Variants in RAD21 observed in about 807,000 individuals in gnomAD.
RAD21 encodes RAD21 cohesin complex component, also known as double-strand-break repair protein rad21 homolog.
RAD21 carries 18 observed loss-of-function variants against 71.5 expected under a neutral mutation model. That is an observed-to-expected ratio of 0.25 (90% CI 0.17 to 0.37). The LOEUF is 0.37. Ranked by LOEUF, RAD21 falls within the 10% of genes least tolerant of loss-of-function variation. The pLI is 1.00. For missense variants in RAD21, 493 were observed against 769.1 expected (o/e 0.64, Z 4.25); for synonymous variants, 248 against 254.0 (o/e 0.98, Z 0.22).
intron 9 of RAD21, among the ~76,000 whole-genome samples, chr8:116,853,989 G>A (rs116736936): frequency 2.0e-5 from 3 of 152,102 alleles, no homozygotes; most frequent in East Asian, 1.9e-4. Flanking sequence ...TTATTACAGA[G>A]AGAAGTATTA....
chr8:116,852,456 T>C, intron 10 of RAD21, 93 bp downstream of exon 10: 1 of 1,303,362 alleles, frequency 7.7e-7, no homozygotes, highest in Non-Finnish European at 1.0e-6. Flanking sequence ...ATATCTTTGA[T>C]TCCTCATTTC....
chr8:116,856,749 A>G lies in RAD21; in HGVS notation c.711T>C (p.Asn237=). Residue 237 remains asparagine (N), a synonymous_variant, in exon 7 of 14, where the codon AAT becomes AAC. Transcript: ENST00000297338. ...GGGGATCATCAAAGATACCGCCATC[A>G]TTATTACTAATAAGTTTGTCATCTG... is the stretch of plus-strand genomic sequence containing the variant. The part of the protein sequence containing the change: ...GILDDKLISN[N]DGGIFDDPPA... 1.3e-6 allele frequency: 2 copies of G among 1,540,970 alleles called. No homozygotes were observed. The highest frequency in any genetic ancestry group is 1.8e-6 in the Non-Finnish European group (2 of 1,142,792).
intron 1 of RAD21, among the ~76,000 whole-genome samples, chr8:116,870,243 T>C (rs1812785409): frequency 6.6e-6 from 1 of 152,278 alleles, no homozygotes. Context: ...AAGGAAGAAA[T>C]TGGCTAGCGG....
chr8:116,853,633 T>C (rs1267964212), intron 9 of RAD21, among the ~76,000 whole-genome samples: 5 of 152,210 alleles, frequency 3.3e-5, no homozygotes, highest in Non-Finnish European at 7.4e-5. Flanking sequence ...AAGAGCACAA[T>C]GTTGTTGCTC....
Position 116,856,224 on chromosome 8 carries a change from T to C in RAD21, c.879A>G (p.Gln293=), listed in dbSNP as rs776042690. ...PVEPMPTMTD[Q]TTLVPNEEEA... ...CTTCCTCATTTGGAACAAGTGTTGT[T>C]TGATCAGTCATGGTTGGCATTGGTT... The change falls in exon 8 of 14, where the codon CAA becomes CAG. Residue 293 remains glutamine, a synonymous_variant. Transcript: ENST00000297338. 5.0e-6 allele frequency: 8 copies of C among 1,608,506 alleles called. No homozygotes were observed. The South Asian group carries it at 6.6e-5, about 13-fold the overall frequency.
At chr8:116,855,288 T>C (rs1812438917) in intron 8 of RAD21, among the ~76,000 whole-genome samples, 1 of 152,216 alleles carries the variant, frequency 6.6e-6, no homozygotes, top group South Asian at 2.1e-4. Context: ...AAACTATGTC[T>C]AAATTACACT....
chr8:116,853,416 T>A (rs77542903), intron 9 of RAD21, among the ~76,000 whole-genome samples: 214 of 152,336 alleles, frequency 1.4e-3, no homozygotes, highest in Admixed American at 4.6e-3. Flanking sequence ...TAATATTTCA[T>A]TTTGAACCAT....
At chr8:116,865,120 T>C (rs1812664369) in intron 2 of RAD21, among the ~76,000 whole-genome samples, 1 of 152,154 alleles carries the variant, frequency 6.6e-6, no homozygotes, top group African/African-American at 2.4e-5. Flanking sequence ...AAAGCTCAGT[T>C]AGAAATGGTT....
chr8:116,872,565 C>CACACACAT (rs373042389), intron 1 of RAD21, among the ~76,000 whole-genome samples: 1 of 148,678 alleles, frequency 6.7e-6, no homozygotes, highest in African/African-American at 2.5e-5. Flanking sequence ...CACACACACA[C>CACACACAT]ATATTTTAAC....
intron 4 of RAD21, among the ~76,000 whole-genome samples, chr8:116,860,657 G>GACTACAGTAC (rs1327245734): frequency 1.3e-5 from 2 of 151,016 alleles, no homozygotes; most frequent in Non-Finnish European, 2.9e-5. Flanking sequence ...ACACTTAATA[G>GACTACAGTAC]ACTACAGTAC....
At chr8:116,851,062 T>TATTA (rs1812338850) in intron 11 of RAD21, 1 of 199,706 alleles carries the variant, frequency 5.0e-6, no homozygotes, top group Non-Finnish European at 1.0e-5. Context: ...TCTGTAAGGT[T>TATTA]ATTATATTGT....
At chr8:116,849,164 G>A in intron 12 of RAD21, 135 bp from the exon 13 acceptor site, 2 of 567,300 alleles carry the variant, frequency 3.5e-6, no homozygotes, top group East Asian at 3.0e-5. Context: ...ACTTAATGCT[G>A]CTGAGCAATC....
chr8:116,850,986 T>TC, intron 11 of RAD21: 1 of 342,604 alleles, frequency 2.9e-6, no homozygotes, highest in Non-Finnish European at 5.3e-6. Flanking sequence ...TGACTGCTTA[T>TC]CCTAAACCAT....
At position 116,850,657 on chromosome 8, in the gene RAD21, C is replaced by G; in HGVS notation, c.1581G>C (p.Lys527Asn). 1 of 1,610,598 alleles carries G rather than the reference C, an allele frequency of 6.2e-7. No individual in the cohort carries two copies. Among genetic ancestry groups the G allele is most frequent in the Admixed American group, 1.7e-5 (1 of 59,940 alleles). The change falls in exon 12 of 14, where the codon AAG becomes AAC. Residue 527 changes from lysine (K) to asparagine (N), a missense_variant. Lys to Asn is a moderately conservative substitution (Grantham distance 94). This residue lies in a region of RAD21 where 225 missense variants were observed against 218.3 expected (regional missense o/e 1.03). Transcript: ENST00000297338. ...CATCTTCTTTTTCCTTCTCTTTCTC[C>G]TTCTCTTTTTCTGGCAGAAGTTCTA... ...PELELLPEKEKEKEKEKEDDE... is the reference protein window; with the variant it reads ...PELELLPEKENEKEKEKEDDE...
intron 1 of RAD21, among the ~76,000 whole-genome samples, chr8:116,869,147 C>T (rs1045640497): frequency 2.0e-5 from 3 of 152,098 alleles, no homozygotes; most frequent in African/African-American, 7.2e-5. Flanking sequence ...TAAACTTTTG[C>T]TCTACGAAAG....
intron 2 of RAD21, 89 bp downstream of exon 2, chr8:116,866,497 C>A: frequency 7.9e-7 from 1 of 1,262,794 alleles, no homozygotes; most frequent in South Asian, 1.7e-5. Flanking sequence ...ACTCCAATGC[C>A]CCTACCTAAA....
intron 1 of RAD21, 96 bp downstream of exon 1, chr8:116,874,515 C>A: frequency 4.0e-6 from 1 of 252,876 alleles, no homozygotes; most frequent in East Asian, 1.6e-4. Flanking sequence ...CCTCGCCCTC[C>A]CGCCCCCAGG....
At chr8:116,854,177 G>A (rs2130462610) in intron 9 of RAD21, 68 bp downstream of exon 9, 1 of 1,282,582 alleles carries the variant, frequency 7.8e-7, no homozygotes, top group Non-Finnish European at 1.1e-6. Context: ...TGATTCAAAG[G>A]TTTTAGAATC....
intron 1 of RAD21, among the ~76,000 whole-genome samples, chr8:116,867,985 C>T (rs1340663738): frequency 6.6e-6 from 1 of 152,172 alleles, no homozygotes; most frequent in Non-Finnish European, 1.5e-5. Flanking sequence ...ATTCATCCCT[C>T]TCTCTCTGCC....
Sources: allele counts gnomAD v4.1 joint callset (sites outside exome capture counted in the v4.1 genomes callset), GRCh38; gene constraint gnomAD v4.1.1; regional missense constraint gnomAD v4.1.1; transcripts MANE v1.5; gene names NCBI Gene and HGNC (gene_info 2026-07-23, HGNC 2026-07-21).